Variants in ADGRE3 observed in about 807,000 individuals in gnomAD.
ADGRE3 encodes EGF-like module receptor 3.
In ADGRE3, 88 loss-of-function variants were observed where a neutral mutation model predicts 80.1. That is an observed-to-expected ratio of 1.10 (90% CI 0.93 to 1.31). The LOEUF (loss-of-function observed/expected upper bound fraction) is 1.31, where lower values mean the gene tolerates loss of function less well. ADGRE3 is among the 40% of genes most tolerant of loss of function. The pLI, the probability that ADGRE3 is intolerant of heterozygous loss-of-function variation, is 0.00. For synonymous variants in ADGRE3, 281 were observed against 294.8 expected (o/e 0.95, Z 0.48); for missense variants, 715 against 776.5 (o/e 0.92, Z 0.94).
At chr19:14,674,718 C>G (rs753801736) in intron 1 of ADGRE3, 28 bp downstream of exon 1, 2 of 1,611,080 alleles carry the variant, frequency 1.2e-6, no homozygotes, top group South Asian at 1.1e-5. Flanking sequence ...ATAGGTTAAG[C>G]CTCAGTCATT....
intron 11 of ADGRE3, among the ~76,000 whole-genome samples, chr19:14,636,163 T>TTCCTTCC (rs1178305987): frequency 1.2e-4 from 10 of 80,154 alleles, no homozygotes; most frequent in African/African-American, 1.4e-4. Context: ...CCTTTCCTCC[T>TTCCTTCC]TTCCTTTCCT....
chr19:14,633,910 G>A (rs1362242466), intron 11 of ADGRE3, among the ~76,000 whole-genome samples: 4 of 150,708 alleles, frequency 2.7e-5, no homozygotes, highest in African/African-American at 9.7e-5. Context: ...CTGAATAGCT[G>A]GGATTACAGA....
intron 11 of ADGRE3, 27 bp downstream of exon 11, chr19:14,638,068 GAAACTGTCCA>G (rs1280960907): frequency 2.0e-6 from 3 of 1,507,590 alleles, no homozygotes. Flanking sequence ...GCTTTCTTAG[GAAACTGTCCA>G]TGACACAAGG....
In ADGRE3 at chr19:14,668,868, A is replaced by G. The variant is rs200351251; in HGVS notation, c.26-16T>C. ...AAGCAGAGGCCTGGAATAGATGGGA[A>G]ACAGAAGGGAGAGACATGAAACAAT... On this transcript the variant is annotated splice_polypyrimidine_tract_variant and intron_variant, in intron 1 of 15. Coordinates refer to ENST00000253673, the MANE Select transcript of ADGRE3 (RefSeq NM_032571.5). 1 of 1,613,382 alleles carries G rather than the reference A, an allele frequency of 6.2e-7. No individual in the cohort carries two copies. The highest frequency in any genetic ancestry group is 1.3e-5 in the African/African-American group (1 of 75,042).
chr19:14,621,501 T>A lies in ADGRE3; in HGVS notation c.1921-2030A>T, dbSNP rs542060680. On this transcript the variant is annotated intron_variant, in intron 15 of 15. Transcript: ENST00000253673. ...GAAAAGAAGAGACAGGTTCTCACTA[T>A]GTTGCCCAGGCTGGTCTAAAACTCC... 14 of 529,468 alleles carry A rather than the reference T, an allele frequency of 2.6e-5. 4 individuals carry two copies. In the East Asian group the frequency reaches 4.0e-4, roughly 15 times the overall value. The allele number at this position is 529,468 out of a possible 1,614,324, so 32.8% of individuals were successfully genotyped here.
At chr19:14,600,967 A>G in the ADGRE3 span, among the ~76,000 whole-genome samples, 3 of 130,458 alleles carry the variant, frequency 2.3e-5, no homozygotes, top group South Asian at 2.4e-4. Context: ...CAGTGGTGCA[A>G]TCTTGGCTCA....
chr19:14,634,073 G>C (rs139674867), intron 11 of ADGRE3, among the ~76,000 whole-genome samples: 1 of 151,898 alleles, frequency 6.6e-6, no homozygotes, highest in Non-Finnish European at 1.5e-5. Flanking sequence ...CACCACGCCC[G>C]GCCAACAATC....
downstream of ADGRE3, among the ~76,000 whole-genome samples, chr19:14,617,171 G>A (rs2075079332): frequency 6.6e-6 from 1 of 151,936 alleles, no homozygotes; most frequent in African/African-American, 2.4e-5. Flanking sequence ...ATTAAGGGGA[G>A]ACTTTTTGGA....
intron 15 of ADGRE3, among the ~76,000 whole-genome samples, chr19:14,624,286 G>T (rs1055010595): frequency 1.1e-4 from 17 of 151,980 alleles, no homozygotes; most frequent in Admixed American, 3.9e-4. Context: ...TAGAGATGGG[G>T]TTTCTCCATG....
rs200829851 is a variant in ADGRE3 at position 14,654,949 on chromosome 19, C to T, written c.577+33G>A. The T allele has an allele frequency of 8.6e-4, 1,360 of 1,583,414 alleles. 2 individuals carry two copies. Among genetic ancestry groups the T allele is most frequent in the Non-Finnish European group, 1.1e-3 (1,295 of 1,159,790 alleles). On this transcript the variant is annotated intron_variant, in intron 6 of 15. Coordinates refer to ENST00000253673, the MANE Select transcript of ADGRE3 (RefSeq NM_032571.5). ...CCCAGATCCCAGCTGCTAACCAGTC[C>T]CCAGGGTGTATCAGTCCTCATTATT...
intron 15 of ADGRE3, among the ~76,000 whole-genome samples, chr19:14,625,108 T>C (rs1193161833): frequency 6.6e-6 from 1 of 152,186 alleles, no homozygotes; most frequent in East Asian, 1.9e-4. Context: ...GCCTCCCCAG[T>C]AGCTGGGACT....
At chr19:14,643,144 G>GTTTTTTTTTTTTTTTTTT (rs373306807) in intron 9 of ADGRE3, among the ~76,000 whole-genome samples, 10 of 124,080 alleles carry the variant, frequency 8.1e-5, no homozygotes, top group African/African-American at 2.7e-4. Context: ...AGTAATCATG[G>GTTTTTTTTTTTTTTTTTT]TTTTTTTTTT....
chr19:14,654,987 C>T lies in ADGRE3; in HGVS notation c.572G>A (p.Ser191Asn). Residue 191 changes from serine (S) to asparagine (N), a missense_variant, in exon 6 of 16, where the codon AGT becomes AAT. Transcript: ENST00000253673. ...AGTCCTCATTATTGTCTTACCTACA[C>T]TATCGTTTTGGATTTTCAGGACTTT... The part of the protein sequence containing the change: ...EQKVLKIQND[S>N]VAIETQAITD... 8.1e-6 allele frequency: 13 copies of T among 1,613,724 alleles called. No homozygotes were observed. Among genetic ancestry groups the T allele is most frequent in the Non-Finnish European group, 1.1e-5 (13 of 1,179,804 alleles).
At chr19:14,620,554 AT>A (rs1970560404) in intron 15 of ADGRE3, among the ~76,000 whole-genome samples, 2 of 21,516 alleles carry the variant, frequency 9.3e-5, no homozygotes, top group Non-Finnish European at 1.6e-4. Context: ...TATATTATAT[AT>A]ATATATATAT....
At chr19:14,615,199 C>CTTTTTTTTTTTTTTTTTT (rs1227946914), downstream of ADGRE3, among the ~76,000 whole-genome samples, 4 of 91,024 alleles carry the variant, frequency 4.4e-5, 2 homozygotes, top group Non-Finnish European at 9.5e-5. Flanking sequence ...CTACAGCTGC[C>CTTTTTTTTTTTTTTTTTT]TTCTTTTTTT....
At chr19:14,659,202 ATT>A (rs76495651) in intron 4 of ADGRE3, among the ~76,000 whole-genome samples, 4 of 147,230 alleles carry the variant, frequency 2.7e-5, no homozygotes, top group African/African-American at 7.4e-5. Flanking sequence ...ACCTGGCTAA[ATT>A]TTTTTTTTTT....
intron 5 of ADGRE3, 112 bp from the exon 6 acceptor site, chr19:14,655,277 G>A (rs1003100013): frequency 5.6e-6 from 5 of 889,418 alleles, no homozygotes; most frequent in South Asian, 1.8e-5. Flanking sequence ...GAGGAACCAC[G>A]TTCAAATCCT....
chr19:14,634,187 T>C (rs906130978), intron 11 of ADGRE3, among the ~76,000 whole-genome samples: 2 of 152,224 alleles, frequency 1.3e-5, no homozygotes, highest in South Asian at 4.1e-4. Context: ...ATGAAAATTT[T>C]ATGAAAATTT....
chr19:14,670,058 T>C (rs1972211120), intron 1 of ADGRE3, among the ~76,000 whole-genome samples: 1 of 152,174 alleles, frequency 6.6e-6, no homozygotes, highest in South Asian at 2.1e-4. Context: ...CATGTACATC[T>C]TGAATCTAAG....
Sources: allele counts gnomAD v4.1 joint callset (sites outside exome capture counted in the v4.1 genomes callset), GRCh38; gene constraint gnomAD v4.1.1; transcripts MANE v1.5; gene names NCBI Gene and HGNC (gene_info 2026-07-23, HGNC 2026-07-21).